Variants in RORA observed in about 807,000 individuals in gnomAD.
RORA encodes RAR related orphan receptor A, also known as nuclear receptor ROR-alpha.
A neutral mutation model predicts 69.5 loss-of-function variants in RORA; 7 were observed. The observed-to-expected ratio is 0.10, with a 90% confidence interval of 0.06 to 0.19. RORA has a LOEUF of 0.19. Among genes scored for constraint, RORA ranks in the 10% least tolerant of loss-of-function variants. The probability of loss-of-function intolerance (pLI) is 1.00; values close to 1 mark genes in which losing one functional copy is unlikely to be tolerated. For missense variants in RORA, 457 were observed against 663.0 expected, an observed-to-expected ratio of 0.69 and a Z score of 3.41; for synonymous variants, 261 against 240.8, an observed-to-expected ratio of 1.08 and a Z score of -0.78.
intron 2 of RORA, among the ~76,000 whole-genome samples, chr15:60,676,879 A>G (rs1294485813): frequency 2.0e-5 from 3 of 152,214 alleles, no homozygotes; most frequent in African/African-American, 7.2e-5. Context: ...GTCTCTCTTT[A>G]TATGGACTGT....
chr15:60,650,996 C>T (rs372092633), intron 2 of RORA, among the ~76,000 whole-genome samples: 3 of 152,100 alleles, frequency 2.0e-5, no homozygotes, highest in African/African-American at 7.2e-5. Flanking sequence ...CCTCTAATGT[C>T]CGAGTCCCTT....
chr15:61,104,356 T>C (rs1179944569), intron 1 of RORA, among the ~76,000 whole-genome samples: 1 of 152,206 alleles, frequency 6.6e-6, no homozygotes, highest in Non-Finnish European at 1.5e-5. Flanking sequence ...GACAAGTCTG[T>C]TGAAAACTTT....
chr15:61,054,265 C>A (rs2078058445), intron 1 of RORA, among the ~76,000 whole-genome samples: 2 of 146,516 alleles, frequency 1.4e-5, no homozygotes, highest in Non-Finnish European at 3.0e-5. Flanking sequence ...ATGTGAGGAA[C>A]AGAAAGAATA....
intron 1 of RORA, among the ~76,000 whole-genome samples, chr15:61,118,401 C>T (rs60140593): frequency 0.04 from 6,127 of 152,170 alleles, 410 homozygotes; most frequent in African/African-American, 0.14. Flanking sequence ...AAAGCTACAG[C>T]ATAATGAGTG....
chr15:60,798,935 C>CT (rs35043218), intron 1 of RORA, among the ~76,000 whole-genome samples: 2,554 of 144,796 alleles, frequency 0.018, 39 homozygotes, highest in African/African-American at 0.033. Context: ...CAATAAAGGA[C>CT]TTTTTTTTTT....
chr15:61,112,376 G>A (rs964740229), intron 1 of RORA, among the ~76,000 whole-genome samples: 1 of 152,156 alleles, frequency 6.6e-6, no homozygotes, highest in Non-Finnish European at 1.5e-5. Context: ...CAGGAAAGAG[G>A]GAGAGTAGGA....
At chr15:61,153,793 T>A (rs1223178631) in intron 1 of RORA, among the ~76,000 whole-genome samples, 1 of 126,850 alleles carries the variant, frequency 7.9e-6, no homozygotes, top group Non-Finnish European at 1.8e-5. Flanking sequence ...ACCCTTCAAT[T>A]GCTAAGAACC....
At chr15:61,031,918 T>C (rs1421619875) in intron 1 of RORA, among the ~76,000 whole-genome samples, 1 of 152,224 alleles carries the variant, frequency 6.6e-6, no homozygotes, top group African/African-American at 2.4e-5. Flanking sequence ...CATTATCACT[T>C]ACTTCTCTTC....
At chr15:60,502,660 CTAAA>C in intron 8 of RORA, 96 bp downstream of exon 8, 2 of 805,516 alleles carry the variant, frequency 2.5e-6, no homozygotes, top group South Asian at 3.1e-5. Context: ...ATTTTTGTTT[CTAAA>C]TAAAGTTTTC....
intron 2 of RORA, chr15:60,650,634 CAGG>C (rs1386735219): frequency 2.0e-5 from 3 of 152,118 alleles, no homozygotes; most frequent in Non-Finnish European, 4.4e-5. Flanking sequence ...GGGATGAAAC[CAGG>C]AGAAGAGAGC....
chr15:60,579,613 A>T (rs1308453991), intron 2 of RORA, among the ~76,000 whole-genome samples: 1 of 152,220 alleles, frequency 6.6e-6, no homozygotes, highest in East Asian at 1.9e-4. Context: ...AACTACCATG[A>T]GTTATAGGAA....
At chr15:60,948,384 C>T (rs370422171) in intron 1 of RORA, among the ~76,000 whole-genome samples, 1 of 152,154 alleles carries the variant, frequency 6.6e-6, no homozygotes, top group African/African-American at 2.4e-5. Context: ...CTCCAAAATG[C>T]CAACATTTAC....
intron 2 of RORA, among the ~76,000 whole-genome samples, chr15:60,658,611 AG>A (rs59890030): frequency 0.17 from 25,961 of 152,122 alleles, 2,421 homozygotes; most frequent in African/African-American, 0.24. Flanking sequence ...TAGAAATCAG[AG>A]GGTTGCTATT....
At chr15:61,121,605 C>T (rs541805193) in intron 1 of RORA, among the ~76,000 whole-genome samples, 8 of 152,170 alleles carry the variant, frequency 5.3e-5, no homozygotes, top group East Asian at 3.9e-4. Flanking sequence ...TCTGTCATGG[C>T]GAGGGCAAGA....
chr15:60,519,069 A>G (rs1001388620), intron 3 of RORA, among the ~76,000 whole-genome samples: 9 of 152,212 alleles, frequency 5.9e-5, no homozygotes, highest in African/African-American at 1.9e-4. Flanking sequence ...TGCCTAATTT[A>G]TAAGTTCAAC....
rs567938177 is a variant in RORA, at chr15:60,859,913, C to T, written c.167-181227G>A. On this transcript the variant is annotated intron_variant, in intron 1 of 10. Transcript: ENST00000335670. ...CTGCAACCCTCTCTCCTCAGCCCTG[C>T]AGCCGATCCCTGACATAAACTCCTT... Among the ~76,000 whole-genome samples, 10 of 152,252 alleles carry T rather than the reference C, an allele frequency of 6.6e-5. No individual in the cohort carries two copies. The South Asian group carries it at 1.9e-3, about 28-fold the overall frequency.
intron 2 of RORA, among the ~76,000 whole-genome samples, chr15:60,541,971 G>A (rs2066885733): frequency 6.6e-6 from 1 of 152,160 alleles, no homozygotes; most frequent in African/African-American, 2.4e-5. Context: ...CATTTCAGAT[G>A]ACATTCTATG....
chr15:60,840,525 G>C (rs754093763), intron 1 of RORA, among the ~76,000 whole-genome samples: 6 of 152,230 alleles, frequency 3.9e-5, no homozygotes, highest in Non-Finnish European at 8.8e-5. Flanking sequence ...GCAGAGGCTT[G>C]GCTCTGGGAA....
chr15:61,165,657 G>C (rs1347097710), intron 1 of RORA, among the ~76,000 whole-genome samples: 3 of 152,310 alleles, frequency 2.0e-5, no homozygotes, highest in East Asian at 3.9e-4. Context: ...TGGATCACTT[G>C]AGAGTGGAAA....
Sources: gnomAD v4.1 joint callset for allele counts (sites outside exome capture counted in the v4.1 genomes callset) on GRCh38, gnomAD v4.1.1 for gene constraint, MANE v1.5 for transcripts, NCBI Gene and HGNC (gene_info 2026-07-23, HGNC 2026-07-21) for gene names.